The following ZBBX variants were observed in gnomAD, a reference collection of about 807,000 sequenced individuals.
ZBBX encodes the protein zinc finger B-box domain containing, also known as zinc finger B-box domain-containing protein 1.
In ZBBX, 101 loss-of-function variants were observed where a neutral mutation model predicts 108.5. That is an observed-to-expected ratio of 0.93 (90% CI 0.79 to 1.10). ZBBX has a LOEUF of 1.10. ZBBX is among the 50% of genes least tolerant of loss of function. The pLI, the probability that ZBBX is intolerant of heterozygous loss-of-function variation, is 0.00. For missense variants in ZBBX, 1,009 were observed against 941.4 expected (o/e 1.07, Z -0.94); for synonymous variants, 356 against 323.4 (o/e 1.10, Z -1.08).
intron 9 of ZBBX, among the ~76,000 whole-genome samples, chr3:167,341,688 T>A (rs532885118): frequency 6.6e-6 from 1 of 152,006 alleles, no homozygotes; most frequent in Non-Finnish European, 1.5e-5. Flanking sequence ...ATATTAATTA[T>A]CTTAGCAAGT....
At chr3:167,358,364 G>A (rs183033471) in intron 8 of ZBBX, among the ~76,000 whole-genome samples, 163 of 151,978 alleles carry the variant, frequency 1.1e-3, no homozygotes, top group African/African-American at 3.6e-3. Flanking sequence ...CTATTTACTA[G>A]GGGATGGGGG....
chr3:167,192,308 C>G, the ZBBX span, among the ~76,000 whole-genome samples: 3 of 152,058 alleles, frequency 2.0e-5, no homozygotes, highest in Non-Finnish European at 1.5e-5. Flanking sequence ...TGTAAGATAT[C>G]TGGTGGTAGT....
chr3:167,398,388 A>G (rs372661346), intron 1 of ZBBX, among the ~76,000 whole-genome samples: 6 of 152,234 alleles, frequency 3.9e-5, no homozygotes, highest in Non-Finnish European at 7.4e-5. Flanking sequence ...AAAGGGCCCA[A>G]TAACATTGTC....
the ZBBX span, among the ~76,000 whole-genome samples, chr3:167,197,291 C>A: frequency 6.6e-6 from 1 of 150,856 alleles, no homozygotes; most frequent in Non-Finnish European, 1.5e-5. Flanking sequence ...GCAATCCCAG[C>A]ACTTTGGGAG....
intron 19 of ZBBX, among the ~76,000 whole-genome samples, chr3:167,284,433 A>G (rs907694835): frequency 1.3e-5 from 2 of 152,180 alleles, no homozygotes; most frequent in African/African-American, 2.4e-5. Context: ...ACACTTTAGT[A>G]TCTGTACTAT....
the ZBBX span, among the ~76,000 whole-genome samples, chr3:167,186,443 A>C: frequency 5.9e-5 from 9 of 152,206 alleles, no homozygotes; most frequent in East Asian, 1.7e-3. Flanking sequence ...GGAAAAAGCT[A>C]ATTTCTCATT....
At chr3:167,217,284 C>A in the ZBBX span, among the ~76,000 whole-genome samples, 1 of 151,930 alleles carries the variant, frequency 6.6e-6, no homozygotes, top group East Asian at 1.9e-4. Context: ...GTAAAACAAC[C>A]CCATTAAAAA....
Position 167,317,558 on chromosome 3 carries a change from C to G in ZBBX, c.1023G>C (p.Thr341=). 6.2e-7 allele frequency: 1 copy of G among 1,610,344 alleles called. No individual in the cohort carries two copies. Among genetic ancestry groups the G allele is most frequent in the Non-Finnish European group, 8.5e-7 (1 of 1,178,080 alleles). The change falls in exon 13 of 22, where the codon ACG becomes ACC. Residue 341 remains threonine, a synonymous_variant. Coordinates refer to ENST00000675490, the MANE Select transcript of ZBBX (RefSeq NM_001199201.2). ...CAGTGGTTTCATGTGGATGTGGGAA[C>G]GTATCTGGTAGCATTTTAAAAAGTT... The part of the protein sequence containing the change: ...QEQLFKMLPD[T]FPHPHETTGD...
intron 15 of ZBBX, 92 bp from the exon 16 acceptor site, chr3:167,314,208 A>C (rs1343035636): frequency 9.2e-7 from 1 of 1,089,798 alleles, no homozygotes; most frequent in African/African-American, 1.6e-5. Flanking sequence ...AAACAAATAT[A>C]GTAAAACTTT....
intron 18 of ZBBX, among the ~76,000 whole-genome samples, chr3:167,296,261 AAAAGT>A (rs1446877917): frequency 1.3e-5 from 2 of 152,094 alleles, no homozygotes; most frequent in African/African-American, 4.8e-5. Context: ...TCTACACAAT[AAAAGT>A]AATATGCTAA....
the ZBBX span, among the ~76,000 whole-genome samples, chr3:167,213,685 A>G: frequency 3.3e-5 from 5 of 152,176 alleles, no homozygotes; most frequent in African/African-American, 4.8e-5. Flanking sequence ...AAATTCAGGA[A>G]CTACAGTGAA....
intron 1 of ZBBX, among the ~76,000 whole-genome samples, chr3:167,394,670 T>C (rs1014897099): frequency 3.3e-5 from 5 of 151,974 alleles, no homozygotes; most frequent in African/African-American, 1.2e-4. Context: ...TTCATTCTAA[T>C]AGATGCTACA....
intron 20 of ZBBX, among the ~76,000 whole-genome samples, chr3:167,280,250 G>C (rs1028063108): frequency 6.7e-6 from 1 of 149,734 alleles, no homozygotes; most frequent in East Asian, 1.9e-4. Flanking sequence ...TGACAAACGG[G>C]ATCTAATTAA....
At chr3:167,396,495 G>C (rs1003680156) in intron 1 of ZBBX, among the ~76,000 whole-genome samples, 32 of 152,018 alleles carry the variant, frequency 2.1e-4, no homozygotes, top group Non-Finnish European at 4.4e-4. Flanking sequence ...AGCACTAGCA[G>C]GGAGAAATTA....
intron 20 of ZBBX, among the ~76,000 whole-genome samples, chr3:167,253,937 T>C (rs1651045742): frequency 6.6e-6 from 1 of 152,060 alleles, no homozygotes; most frequent in Admixed American, 6.6e-5. Context: ...AAGAGCAAAA[T>C]TAACCTCAAA....
At position 167,258,461 on chromosome 3, in the gene ZBBX, G is replaced by C. The variant is rs116441168; in HGVS notation, c.2255-15818C>G. Reference sequence around the variant, plus strand: ...TTTGTTTAAAAGGGTGACAGTGATAGTTTGCCTTCGTCTTTACTGATTTGG... The same window carrying C: ...TTTGTTTAAAAGGGTGACAGTGATACTTTGCCTTCGTCTTTACTGATTTGG... On this transcript the variant is annotated intron_variant, in intron 20 of 21. Coordinates refer to ENST00000675490, the MANE Select transcript of ZBBX (RefSeq NM_001199201.2). Among the ~76,000 whole-genome samples the C allele has an allele frequency of 6.1e-3, 930 of 152,214 alleles. 6 individuals are homozygous for C. The highest frequency in any genetic ancestry group is 0.022 in the African/African-American group (902 of 41,554).
At chr3:167,304,359 C>T (rs1190641520) in intron 17 of ZBBX, among the ~76,000 whole-genome samples, 2 of 152,024 alleles carry the variant, frequency 1.3e-5, no homozygotes. Context: ...CTTCATGTTG[C>T]CCTGTGGAAA....
chr3:167,280,067 C>T (rs1728488932), intron 20 of ZBBX, among the ~76,000 whole-genome samples: 2 of 152,104 alleles, frequency 1.3e-5, no homozygotes, highest in South Asian at 4.2e-4. Context: ...GAAACTGGAT[C>T]CCTTCCTTAC....
the ZBBX span, among the ~76,000 whole-genome samples, chr3:167,189,542 T>A: frequency 6.6e-6 from 1 of 152,118 alleles, no homozygotes; most frequent in African/African-American, 2.4e-5. Flanking sequence ...TCCCATAAAT[T>A]CCACATCCCA....
Sources: gnomAD v4.1 joint callset for allele counts (sites outside exome capture counted in the v4.1 genomes callset) on GRCh38, gnomAD v4.1.1 for gene constraint, MANE v1.5 for transcripts, NCBI Gene and HGNC (gene_info 2026-07-23, HGNC 2026-07-21) for gene names.